The following PDS5A variants were observed in gnomAD, a reference collection of about 807,000 sequenced individuals.
The protein encoded by PDS5A is sister chromatid cohesion protein PDS5 homolog A.
Under a neutral mutation model 167.1 loss-of-function variants are expected in PDS5A, and 42 were observed. That is an observed-to-expected ratio of 0.25 (90% CI 0.20 to 0.33). The LOEUF is 0.33. PDS5A is among the 10% of genes least tolerant of loss of function. The pLI, the probability that PDS5A is intolerant of heterozygous loss-of-function variation, is 1.00. For synonymous variants in PDS5A, 553 were observed against 554.6 expected (o/e 1.00, Z 0.04); for missense variants, 1,033 against 1,605.9 (o/e 0.64, Z 6.10).
chr4:39,927,762 T>C (rs986862428), intron 3 of PDS5A, among the ~76,000 whole-genome samples, 199 bp downstream of exon 3: 3 of 152,190 alleles, frequency 2.0e-5, no homozygotes, highest in African/African-American at 7.2e-5. Flanking sequence ...CTTTCTATGC[T>C]TCAAATCAAA....
intron 14 of PDS5A, among the ~76,000 whole-genome samples, chr4:39,899,891 C>T (rs1344899557): frequency 6.6e-6 from 1 of 150,770 alleles, no homozygotes; most frequent in Non-Finnish European, 1.5e-5. Flanking sequence ...TTTGCCCGCC[C>T]CTGTTCCAGC....
chr4:39,882,884 G>C (rs1323275956), intron 17 of PDS5A, among the ~76,000 whole-genome samples: 3 of 152,080 alleles, frequency 2.0e-5, no homozygotes, highest in Admixed American at 2.0e-4. Context: ...AACTGCTTGG[G>C]AAGTCTATGC....
In PDS5A at chr4:39,833,027, A is replaced by AAT. The variant is rs1349034944; in HGVS notation, c.4010+4827_4010+4828dup. Reference sequence around the variant, plus strand: ...GAAAAAAATAATAAATAAATAAATAAATATATATATAAAATTAGCTGGGTG... The same window carrying AAT: ...GAAAAAAATAATAAATAAATAAATAAATATATATATATAAAATTAGCTGGGTG... On this transcript the variant is annotated intron_variant, in intron 32 of 32. Transcript: ENST00000303538. Among the ~76,000 whole-genome samples the AAT allele has an allele frequency of 4.1e-4, 61 of 148,826 alleles. No homozygotes were observed. In the South Asian group the frequency reaches 0.011, roughly 28 times the overall value.
chr4:39,884,205 G>C (rs186324829), intron 17 of PDS5A, among the ~76,000 whole-genome samples: 1 of 152,270 alleles, frequency 6.6e-6, no homozygotes, highest in Non-Finnish European at 1.5e-5. Context: ...GGGATTACAC[G>C]CATGAGCCAC....
intron 2 of PDS5A, 200 bp downstream of exon 2, chr4:39,976,238 TCA>T: frequency 5.1e-6 from 2 of 390,384 alleles, no homozygotes; most frequent in African/African-American, 2.0e-5. Flanking sequence ...TTTTGAAAAA[TCA>T]CACTCCTTTT....
At chr4:39,906,041 C>A (rs1723311263) in intron 11 of PDS5A, among the ~76,000 whole-genome samples, 1 of 151,314 alleles carries the variant, frequency 6.6e-6, no homozygotes. Flanking sequence ...ATTAAACTAT[C>A]AGTCCAAGAA....
At chr4:39,913,780 A>C (rs1724100956) in intron 8 of PDS5A, 54 bp from the exon 9 acceptor site, 1 of 904,296 alleles carries the variant, frequency 1.1e-6, no homozygotes, top group Non-Finnish European at 1.9e-6. Flanking sequence ...AGATTACAGA[A>C]AATATCTTGA....
intron 32 of PDS5A, among the ~76,000 whole-genome samples, chr4:39,832,308 G>C (rs1715976327): frequency 6.6e-6 from 1 of 151,542 alleles, no homozygotes; most frequent in East Asian, 2.0e-4. Context: ...CCGCCCCCTG[G>C]GTTCATGCCA....
chr4:39,843,988 T>C (rs1011345233), intron 30 of PDS5A, among the ~76,000 whole-genome samples: 1 of 151,286 alleles, frequency 6.6e-6, no homozygotes. Flanking sequence ...TTATGAAAAG[T>C]ACAAAAGAAA....
chr4:39,827,885 A>G (rs774768594), intron 32 of PDS5A, among the ~76,000 whole-genome samples: 5 of 152,220 alleles, frequency 3.3e-5, no homozygotes, highest in African/African-American at 4.8e-5. Context: ...TTTGGCCTTA[A>G]GTGTAAGCAA....
chr4:39,869,247 G>A, intron 22 of PDS5A, 147 bp downstream of exon 22: 1 of 628,884 alleles, frequency 1.6e-6, no homozygotes, highest in South Asian at 2.1e-5. Context: ...GAAGTGGGAG[G>A]ATCAGCTGAG....
In PDS5A at chr4:39,917,055, T is replaced by G; in HGVS notation, c.869A>C (p.Lys290Thr). 2.0e-6 allele frequency: 3 copies of G among 1,495,938 alleles called. No individual in the cohort carries two copies. Among genetic ancestry groups the G allele is most frequent in the Non-Finnish European group, 2.7e-6 (3 of 1,128,820 alleles). 92.7% of individuals were successfully genotyped at this position (1,495,938 alleles called of 1,614,324 possible). A position where few individuals can be genotyped will look rare whatever the true frequency, so the allele number is the denominator to read the frequency against. ...LLSVMPQLEF[K>T]LKSNDGEERL... The stretch of plus-strand genomic sequence containing the variant: ...AAAACTGGTCAATCTTACCTTTAGT[T>G]TGAATTCAAGCTGTGGCATGACGGA... The change falls in exon 8 of 33, where the codon AAA becomes ACA. Residue 290 changes from lysine to threonine, a missense_variant. This residue lies in a region of PDS5A where 388 missense variants were observed against 615.1 expected (regional missense o/e 0.63). Coordinates refer to ENST00000303538, the MANE Select transcript of PDS5A (RefSeq NM_001100399.2).
At chr4:39,871,865 G>A (rs557432753) in intron 21 of PDS5A, among the ~76,000 whole-genome samples, 108 of 151,802 alleles carry the variant, frequency 7.1e-4, no homozygotes, top group African/African-American at 2.1e-3. Context: ...CACCAAGCCC[G>A]GCTAATTTTT....
Position 39,898,499 on chromosome 4 carries a change from C to T in PDS5A, c.1660G>A (p.Asp554Asn). Reference protein sequence around the residue: ...KNLPDPGKAQDFVKKFNQVLG... With the variant: ...KNLPDPGKAQNFVKKFNQVLG... ...ACCTGGTTAAATTTCTTCACAAAAT[C>T]TTGTGCTTTCCCGGGGTCAGGCAAA... Residue 554 changes from aspartate (D) to asparagine (N), a missense_variant, in exon 16 of 33, where the codon GAT (aspartate) becomes AAT (asparagine). By Grantham distance (23) the Asp-to-Asn change is conservative. Coordinates refer to ENST00000303538, the MANE Select transcript of PDS5A (RefSeq NM_001100399.2). The T allele has an allele frequency of 6.3e-7, 1 of 1,596,756 alleles. No homozygotes were observed.
chr4:39,871,170 T>C (rs1218427153), intron 21 of PDS5A, among the ~76,000 whole-genome samples: 1 of 152,172 alleles, frequency 6.6e-6, no homozygotes, highest in Non-Finnish European at 1.5e-5. Context: ...ACAGAGTTTC[T>C]GTATGGGGTG....
At chr4:39,872,787 T>A (rs951639274) in intron 21 of PDS5A, 199 bp downstream of exon 21, 5 of 358,534 alleles carry the variant, frequency 1.4e-5, no homozygotes, top group Non-Finnish European at 2.5e-5. Flanking sequence ...TTTTGTTTCT[T>A]AAGTGTGAAA....
At position 39,884,623 on chromosome 4, in the gene PDS5A, T is replaced by C. The variant is rs779140269; in HGVS notation, c.1887-4790A>G. Among the ~76,000 whole-genome samples the C allele has an allele frequency of 1.0e-3, 155 of 152,224 alleles. 3 individuals carry two copies. Among genetic ancestry groups the C allele is most frequent in the Non-Finnish European group, 2.5e-4 (17 of 68,040 alleles). On this transcript the variant is annotated intron_variant, in intron 17 of 32. Coordinates refer to ENST00000303538, the MANE Select transcript of PDS5A (RefSeq NM_001100399.2). Reference sequence around the variant, plus strand: ...GTATTTAATCAACTTCTGGATATCATCTGACCCCTCCTTAGCCCCTCTTTG... The same window carrying C: ...GTATTTAATCAACTTCTGGATATCACCTGACCCCTCCTTAGCCCCTCTTTG...
intron 10 of PDS5A, among the ~76,000 whole-genome samples, chr4:39,909,724 C>A (rs1723730870): frequency 6.6e-6 from 1 of 152,224 alleles, no homozygotes; most frequent in Non-Finnish European, 1.5e-5. Flanking sequence ...CTGATAAAAA[C>A]CACTTATGTG....
chr4:39,930,179 G>GCA (rs1725881906), intron 2 of PDS5A, among the ~76,000 whole-genome samples: 1 of 115,148 alleles, frequency 8.7e-6, no homozygotes, highest in Non-Finnish European at 1.6e-5. Flanking sequence ...TGTGCCACTT[G>GCA]CACTCCAGCC....
Sources: gnomAD v4.1 joint callset for allele counts (sites outside exome capture counted in the v4.1 genomes callset) on GRCh38, gnomAD v4.1.1 for gene constraint, gnomAD v4.1.1 regional missense constraint, MANE v1.5 for transcripts, NCBI Gene and HGNC (gene_info 2026-07-23, HGNC 2026-07-21) for gene names.